DRC4: variants seen among roughly 807,000 people sequenced by gnomAD.
DRC4 encodes dynein regulatory complex subunit 4, also known as GAS-11.
At chr16:90,041,160 G>A in the DRC4 span, among the ~76,000 whole-genome samples, 4 of 152,244 alleles carry the variant, frequency 2.6e-5, no homozygotes, top group African/African-American at 9.6e-5. Context: ...GGTGAAGAGA[G>A]CAGTCGTGGC....
chr16:90,034,015 C>T, the DRC4 span, among the ~76,000 whole-genome samples: 17 of 151,798 alleles, frequency 1.1e-4, no homozygotes, highest in Admixed American at 7.9e-4. Flanking sequence ...AGAGCTCGTC[C>T]GCCTCGAAAG....
the DRC4 span, among the ~76,000 whole-genome samples, chr16:90,023,289 A>G: frequency 6.6e-6 from 1 of 152,176 alleles, no homozygotes; most frequent in East Asian, 1.9e-4. Context: ...TACAGGAACC[A>G]CTGTTCCCTT....
At chr16:90,031,242 C>T in the DRC4 span, 31 of 1,605,632 alleles carry the variant, frequency 1.9e-5, no homozygotes, top group Admixed American at 5.0e-5. Flanking sequence ...CCACACGCCC[C>T]GTTGCCGTGC....
At chr16:90,037,196 G>T in the DRC4 span, 1 of 1,563,018 alleles carries the variant, frequency 6.4e-7, no homozygotes. Flanking sequence ...GGTTCTGCCT[G>T]CTGAGCCCCT....
chr16:90,040,059 C>T, the DRC4 span: 1 of 556,736 alleles, frequency 1.8e-6, no homozygotes, highest in Non-Finnish European at 3.2e-6. Flanking sequence ...CTTCCAGAGA[C>T]ACCTTCCTGA....
chr16:90,021,622 T>A, the DRC4 span, among the ~76,000 whole-genome samples: 1 of 152,058 alleles, frequency 6.6e-6, no homozygotes, highest in Non-Finnish European at 1.5e-5. Flanking sequence ...CTCCCAGCAC[T>A]TTGGGAGGCC....
the DRC4 span, among the ~76,000 whole-genome samples, chr16:90,028,664 T>C: frequency 7.7e-4 from 117 of 152,326 alleles, no homozygotes; most frequent in African/African-American, 2.6e-3. Flanking sequence ...ATTACATAAT[T>C]ACAATTTTAC....
the DRC4 span, chr16:90,029,496 G>A: frequency 2.5e-6 from 1 of 407,284 alleles, no homozygotes; most frequent in Non-Finnish European, 4.6e-6. Flanking sequence ...GACCAGTCAG[G>A]AGCCCTGGTT....
the DRC4 span, chr16:90,029,188 A>C: frequency 6.2e-6 from 7 of 1,132,418 alleles, no homozygotes; most frequent in Non-Finnish European, 7.9e-6. Flanking sequence ...GGGGCAGGCT[A>C]TGGGGCAGCC....
the DRC4 span, among the ~76,000 whole-genome samples, chr16:90,021,312 C>G: frequency 9.5e-4 from 145 of 152,346 alleles, no homozygotes; most frequent in African/African-American, 3.4e-3. Context: ...ACCAGGCCTT[C>G]TTTCATTTCT....
the DRC4 span, chr16:90,036,625 C>A: frequency 6.5e-7 from 1 of 1,536,270 alleles, no homozygotes; most frequent in South Asian, 1.2e-5. Context: ...CACACTCTGC[C>A]TGTCCTAGAA....
chr16:90,026,348 G>A, the DRC4 span, among the ~76,000 whole-genome samples: 2 of 152,138 alleles, frequency 1.3e-5, no homozygotes, highest in Non-Finnish European at 2.9e-5. Flanking sequence ...CTAAAACCAC[G>A]CACGACGCCA....
chr16:90,037,334 C>G, the DRC4 span: 3 of 1,613,994 alleles, frequency 1.9e-6, no homozygotes, highest in Non-Finnish European at 1.7e-6. Context: ...CCAGAAGGCT[C>G]GGGAGGAGAT....
the DRC4 span, among the ~76,000 whole-genome samples, chr16:90,038,854 C>A: frequency 6.6e-6 from 1 of 152,358 alleles, no homozygotes; most frequent in Non-Finnish European, 1.5e-5. Context: ...TGGCCAAGGA[C>A]CAATCCCTGC....
chr16:90,031,238 G>T, the DRC4 span: 2 of 1,603,630 alleles, frequency 1.2e-6, no homozygotes, highest in Non-Finnish European at 1.7e-6. Flanking sequence ...CCGGCCACAC[G>T]CCCCGTTGCC....
At chr16:90,027,076 C>G in the DRC4 span, among the ~76,000 whole-genome samples, 2 of 145,772 alleles carry the variant, frequency 1.4e-5, no homozygotes, top group African/African-American at 5.2e-5. Flanking sequence ...GCACACCTGG[C>G]TAGGTTTCCT....
the DRC4 span, chr16:90,042,454 ACC>A: frequency 6.2e-7 from 1 of 1,613,096 alleles, no homozygotes; most frequent in Non-Finnish European, 8.5e-7. Context: ...AACTCCCATC[ACC>A]TCTCTCTCCT....
At chr16:90,032,742 C>G in the DRC4 span, 1 of 1,613,860 alleles carries the variant, frequency 6.2e-7, no homozygotes, top group South Asian at 1.1e-5. Context: ...AGTGAAGCAC[C>G]TGCTATATGA....
At chr16:90,026,761 C>A in the DRC4 span, among the ~76,000 whole-genome samples, 4 of 150,944 alleles carry the variant, frequency 2.6e-5, no homozygotes, top group Non-Finnish European at 5.9e-5. Flanking sequence ...TAGCTCACTG[C>A]AGCCTTAAAC....
Sources: allele counts gnomAD v4.1 joint callset (sites outside exome capture counted in the v4.1 genomes callset), GRCh38; gene constraint gnomAD v4.1.1; transcripts MANE v1.5; gene names NCBI Gene and HGNC (gene_info 2026-07-23, HGNC 2026-07-21).